The following NBAS variants were observed in gnomAD, a reference collection of about 807,000 sequenced individuals.
NBAS encodes the protein NBAS subunit of NRZ tethering complex.
In NBAS, 219 loss-of-function variants were observed where a neutral mutation model predicts 302.5. The ratio of observed to expected loss-of-function variants is 0.72; its 90% confidence interval spans 0.65 to 0.81. NBAS has a LOEUF of 0.81. NBAS is among the 30% of genes least tolerant of loss of function. NBAS has a pLI of 0.00. For synonymous variants in NBAS, 1,118 were observed against 1,021.6 expected (o/e 1.09, Z -1.80); for missense variants, 2,932 against 2,841.6 (o/e 1.03, Z -0.72).
At chr2:14,982,275 T>G in the NBAS span, among the ~76,000 whole-genome samples, 49 of 152,128 alleles carry the variant, frequency 3.2e-4, no homozygotes, top group African/African-American at 1.1e-3. Context: ...CCAAGATGAC[T>G]GCAGACGTGC....
chr2:14,860,183 G>A, the NBAS span, among the ~76,000 whole-genome samples: 5 of 152,036 alleles, frequency 3.3e-5, no homozygotes, highest in East Asian at 9.7e-4. Context: ...TTATCAAAAA[G>A]GATTAACAAG....
Position 15,474,198 on chromosome 2 carries a change from T to G in NBAS, c.1468A>C (p.Lys490Gln). ...TCAGTCACCAAGTAAAGGCCCTGTT[T>G]TATATAACCAAAGTAGCGAGCCTTG... ...SAKARYFGYI[K>Q]QGLYLVTEME... Residue 490 changes from lysine to glutamine, a missense_variant, in exon 15 of 52, where the codon AAA becomes CAA. Coordinates refer to ENST00000281513, the MANE Select transcript of NBAS (RefSeq NM_015909.4). The G allele has an allele frequency of 6.2e-7, 1 of 1,614,112 alleles. No homozygotes were observed. Among genetic ancestry groups the G allele is most frequent in the Non-Finnish European group, 8.5e-7 (1 of 1,180,000 alleles).
chr2:15,249,494 G>A (rs59849226), intron 44 of NBAS, among the ~76,000 whole-genome samples: 4,279 of 152,200 alleles, frequency 0.028, 203 homozygotes, highest in African/African-American at 0.097. Context: ...GAAATAAAGT[G>A]TATTCAATTA....
rs2287262 is a variant in NBAS, at chr2:15,497,176, T to C, written c.954+6969A>G. 2.6e-4 allele frequency among the ~76,000 whole-genome samples: 39 copies of C among 152,300 alleles called. No homozygotes were observed. The East Asian group carries it at 6.4e-3, about 25-fold the overall frequency. On this transcript the variant is annotated intron_variant, in intron 11 of 51. Transcript: ENST00000281513. Reference sequence around the variant, plus strand: ...GACAGTCATGGGCCAGCTTATGTAATGTCTTTTTGGATAATGTTAAGCATT... The same window carrying C: ...GACAGTCATGGGCCAGCTTATGTAACGTCTTTTTGGATAATGTTAAGCATT...
At chr2:15,186,085 TACACAC>T (rs80317869) in intron 50 of NBAS, among the ~76,000 whole-genome samples, 48 of 147,282 alleles carry the variant, frequency 3.3e-4, no homozygotes, top group Middle Eastern at 3.5e-3. Context: ...CATATATATA[TACACAC>T]ACACACACAC....
In NBAS at chr2:15,382,697, T is replaced by C. The variant is rs116014247; in HGVS notation, c.3360+518A>G. 2.9e-3 allele frequency among the ~76,000 whole-genome samples: 438 copies of C among 152,336 alleles called. 4 individuals carry two copies. The highest frequency in any genetic ancestry group is 1.0e-2 in the African/African-American group (415 of 41,580). On this transcript the variant is annotated intron_variant, in intron 29 of 51. Transcript: ENST00000281513. ...TGGAAGAGGTGAGGGAGCTGGCATC[T>C]TCTATAGCTTTCTATGTCATGCTAA... is the stretch of plus-strand genomic sequence containing the variant.
chr2:15,379,520 T>C (rs1674924299), intron 30 of NBAS, 82 bp downstream of exon 30: 1 of 1,346,254 alleles, frequency 7.4e-7, no homozygotes, highest in Non-Finnish European at 1.1e-6. Context: ...ATAATATATT[T>C]GGTAAAGAAA....
chr2:15,068,970 G>T, the NBAS span, among the ~76,000 whole-genome samples: 2 of 152,182 alleles, frequency 1.3e-5, no homozygotes, highest in African/African-American at 2.4e-5. Flanking sequence ...GGCAGCGCAG[G>T]GCCTCACATG....
intron 22 of NBAS, 73 bp from the exon 23 acceptor site, chr2:15,424,541 A>T: frequency 6.5e-7 from 1 of 1,545,100 alleles, no homozygotes. Flanking sequence ...TGAGAGAAAG[A>T]CAGGGACAGA....
intron 38 of NBAS, among the ~76,000 whole-genome samples, chr2:15,319,719 A>T (rs764596831): frequency 2.6e-5 from 4 of 152,208 alleles, no homozygotes; most frequent in Admixed American, 6.5e-5. Context: ...CTTTGAATAG[A>T]CAAATAACAG....
the NBAS span, among the ~76,000 whole-genome samples, chr2:14,992,304 T>TTG: frequency 6.6e-6 from 1 of 152,138 alleles, no homozygotes; most frequent in Admixed American, 6.5e-5. Flanking sequence ...AGATGGGTGT[T>TTG]CAGCTAGGTG....
the NBAS span, among the ~76,000 whole-genome samples, chr2:14,912,703 TAAA>T: frequency 2.5e-5 from 2 of 78,548 alleles, no homozygotes; most frequent in African/African-American, 3.6e-5. Flanking sequence ...CATTCATTTT[TAAA>T]AAAAAAAAAA....
the NBAS span, among the ~76,000 whole-genome samples, chr2:15,140,728 G>C: frequency 6.6e-6 from 1 of 152,222 alleles, no homozygotes; most frequent in African/African-American, 2.4e-5. Context: ...TGGGGCAGAT[G>C]CTTCTACCTT....
chr2:14,799,657 G>T, the NBAS span, among the ~76,000 whole-genome samples: 1 of 152,130 alleles, frequency 6.6e-6, no homozygotes, highest in African/African-American at 2.4e-5. Context: ...ACTGAGAGAA[G>T]ATTGTTGAAA....
At chr2:14,869,080 G>A in the NBAS span, among the ~76,000 whole-genome samples, 15 of 152,242 alleles carry the variant, frequency 9.9e-5, no homozygotes, top group South Asian at 1.2e-3. Flanking sequence ...TGTGGTCCTC[G>A]CAGCTAATGG....
chr2:15,197,888 G>A (rs994644029), intron 48 of NBAS, among the ~76,000 whole-genome samples: 1 of 152,166 alleles, frequency 6.6e-6, no homozygotes, highest in Non-Finnish European at 1.5e-5. Context: ...TGCTCTCCAT[G>A]TTCCCTTTTA....
At position 15,190,477 on chromosome 2, in the gene NBAS, T is replaced by C. The variant is rs914637394; in HGVS notation, c.6433-74A>G. The C allele has an allele frequency of 5.9e-6, 9 of 1,537,890 alleles. No homozygotes were observed. The African/African-American group carries it at 7.0e-5, about 12-fold the overall frequency. On this transcript the variant is annotated intron_variant, in intron 48 of 51. Coordinates refer to ENST00000281513, the MANE Select transcript of NBAS (RefSeq NM_015909.4). ...TGGTTTATAGAATAATTCTACTTTATTTTAATTAAACTTTTTTTTAAAATG... is the reference window on the plus strand; with the variant it reads ...TGGTTTATAGAATAATTCTACTTTACTTTAATTAAACTTTTTTTTAAAATG...
the NBAS span, among the ~76,000 whole-genome samples, chr2:14,810,205 G>A: frequency 2.0e-5 from 3 of 152,152 alleles, no homozygotes; most frequent in African/African-American, 7.2e-5. Flanking sequence ...AGGCACAATT[G>A]GTTGTGAAAT....
chr2:15,034,027 G>GAAGAAGAAGAAGA, the NBAS span, among the ~76,000 whole-genome samples: 3,612 of 63,640 alleles, frequency 0.057, 300 homozygotes, highest in East Asian at 0.12. Flanking sequence ...AGAAGAAGAA[G>GAAGAAGAAGAAGA]AGGAGGAGGA....
Sources: allele counts gnomAD v4.1 joint callset (sites outside exome capture counted in the v4.1 genomes callset), GRCh38; gene constraint gnomAD v4.1.1; transcripts MANE v1.5; gene names NCBI Gene and HGNC (gene_info 2026-07-23, HGNC 2026-07-21).